ZC3HAV1L: variants seen among roughly 807,000 people sequenced by gnomAD.
The protein encoded by ZC3HAV1L is ZC3HAV1 like.
Under a neutral mutation model 28.2 loss-of-function variants are expected in ZC3HAV1L, and 23 were observed. The ratio of observed to expected loss-of-function variants is 0.82; its 90% CI spans 0.59 to 1.16. The LOEUF is 1.16. Among genes scored for constraint, ZC3HAV1L ranks in the 50% most tolerant of loss-of-function variants. The pLI is 0.00. For synonymous variants in ZC3HAV1L, 180 were observed against 163.4 expected (o/e 1.10, Z -0.78); for missense variants, 376 against 387.7 (o/e 0.97, Z 0.25).
intron 1 of ZC3HAV1L, chr7:139,035,073 G>A: frequency 1.0e-6 from 1 of 985,416 alleles, no homozygotes; most frequent in Non-Finnish European, 1.2e-6. Flanking sequence ...AGGAAAATTC[G>A]GGGCTGTGAA....
intron 2 of ZC3HAV1L, among the ~76,000 whole-genome samples, chr7:139,031,360 G>A (rs1035315544): frequency 8.5e-5 from 13 of 152,176 alleles, no homozygotes; most frequent in Non-Finnish European, 1.6e-4. Context: ...CAAGGCAGGC[G>A]GATTGCCTGA....
downstream of ZC3HAV1L, among the ~76,000 whole-genome samples, chr7:139,025,449 C>CA (rs11399688): frequency 0.55 from 74,892 of 136,104 alleles, 20,026 homozygotes; most frequent in African/African-American, 0.59. Flanking sequence ...ACTCTGTCTC[C>CA]AAAAAAAAAA....
chr7:139,030,467 G>A (rs138132058), intron 2 of ZC3HAV1L, among the ~76,000 whole-genome samples: 214 of 152,114 alleles, frequency 1.4e-3, no homozygotes, highest in African/African-American at 4.3e-3. Flanking sequence ...AAATAGAGGC[G>A]GAGGTTGCAG....
chr7:139,029,034 G>A (rs1179432148), intron 2 of ZC3HAV1L, 74 bp from the exon 3 acceptor site: 44 of 1,490,964 alleles, frequency 3.0e-5, no homozygotes, highest in Admixed American at 1.0e-4. Flanking sequence ...ATGGAGTCTC[G>A]CTCTGTCACC....
intron 2 of ZC3HAV1L, 115 bp downstream of exon 2, chr7:139,034,428 A>G: frequency 6.8e-7 from 1 of 1,463,764 alleles, no homozygotes; most frequent in East Asian, 2.3e-5. Flanking sequence ...AGCATTTGAA[A>G]CTGAATCATG....
Position 139,035,767 on chromosome 7 carries a change from G to C in ZC3HAV1L, c.251C>G (p.Ala84Gly). ...GGCGCAGAGGCGCACAGAGGACACGGCCACCACCCTCCAGGCGGAGGTGCC... is the reference window on the plus strand; with the variant it reads ...GGCGCAGAGGCGCACAGAGGACACGCCCACCACCCTCCAGGCGGAGGTGCC... ...GGGTSAWRVV[A>G]VSSVRLCARY... is the part of the protein sequence containing the mutation. Residue 84 changes from alanine (A) to glycine (G), a missense_variant, in exon 1 of 5, where the codon GCC (alanine) becomes GGC (glycine). Physicochemically the swap from Ala to Gly is moderately conservative, Grantham distance 60. Coordinates refer to ENST00000275766, the MANE Select transcript of ZC3HAV1L (RefSeq NM_080660.4). The C allele has an allele frequency of 6.7e-7, 1 of 1,497,466 alleles. No homozygotes were observed. The highest frequency in any genetic ancestry group is 8.8e-7 in the Non-Finnish European group (1 of 1,131,800). The allele number at this position is 1,497,466 out of a possible 1,614,324, so 92.8% of individuals were successfully genotyped here.
chr7:139,033,160 G>A (rs1815586399), intron 2 of ZC3HAV1L, among the ~76,000 whole-genome samples: 2 of 151,732 alleles, frequency 1.3e-5, no homozygotes, highest in African/African-American at 2.4e-5. Flanking sequence ...AGTGAGCCGA[G>A]GTACTTCCAG....
intron 3 of ZC3HAV1L, 76 bp downstream of exon 3, chr7:139,028,626 T>G: frequency 6.5e-7 from 1 of 1,534,068 alleles, no homozygotes; most frequent in Admixed American, 1.9e-5. Context: ...TTCATGTCAC[T>G]GTTCTTACTT....
rs1397018251 is a variant in ZC3HAV1L at position 139,030,832 on chromosome 7, AAT to A, written c.502-1874_502-1873del. Among the ~76,000 whole-genome samples the A allele has an allele frequency of 4.3e-4, 16 of 36,922 alleles. No individual in the cohort carries two copies. The South Asian group carries it at 0.012, about 28-fold the overall frequency. The allele number at this position is 36,922 out of a possible 152,430, so 24.2% of individuals were successfully genotyped here. A position where few individuals can be genotyped will look rare whatever the true frequency, so the allele number is the denominator to read the frequency against. On this transcript the variant is annotated intron_variant, in intron 2 of 4. Coordinates refer to ENST00000275766, the MANE Select transcript of ZC3HAV1L (RefSeq NM_080660.4). ...AGTCTCCATCTCAAAAAATAATAAT[AAT>A]TAATTAATTAATTAATTAATTAAAT...
chr7:139,035,255 C>T, intron 1 of ZC3HAV1L: 7 of 985,422 alleles, frequency 7.1e-6, no homozygotes, highest in African/African-American at 1.7e-5. Flanking sequence ...GGGGGAGCAG[C>T]GATTTCCGGC....
At chr7:139,035,080 T>G in intron 1 of ZC3HAV1L, 1 of 985,374 alleles carries the variant, frequency 1.0e-6, no homozygotes, top group Non-Finnish European at 1.2e-6. Flanking sequence ...TTCGGGGCTG[T>G]GAAGCACAGC....
chr7:139,034,446 G>C, intron 2 of ZC3HAV1L, 97 bp downstream of exon 2: 1 of 1,460,770 alleles, frequency 6.8e-7, no homozygotes, highest in Admixed American at 2.1e-5. Context: ...ATGTTGCTTC[G>C]AAGGCAATTA....
At chr7:139,029,003 T>C (rs776398844) in intron 2 of ZC3HAV1L, 43 bp from the exon 3 acceptor site, 10 of 1,569,940 alleles carry the variant, frequency 6.4e-6, no homozygotes, top group Admixed American at 1.8e-5. Context: ...TAGTTTTTCT[T>C]TTTTTTTTGG....
intron 2 of ZC3HAV1L, chr7:139,033,944 A>G: frequency 7.1e-6 from 7 of 985,378 alleles, no homozygotes; most frequent in Non-Finnish European, 8.4e-6. Flanking sequence ...ACCGTGACAT[A>G]CCAGACTTGG....
chr7:139,027,997 T>C (rs978757903), intron 3 of ZC3HAV1L, among the ~76,000 whole-genome samples: 8 of 152,144 alleles, frequency 5.3e-5, no homozygotes, highest in African/African-American at 1.9e-4. Flanking sequence ...ATTATATTTA[T>C]GACAAGAAAG....
intron 1 of ZC3HAV1L, chr7:139,035,095 G>A (rs566648418): frequency 1.2e-4 from 114 of 985,338 alleles, no homozygotes; most frequent in Non-Finnish European, 1.2e-4. Flanking sequence ...CACAGCCTGG[G>A]GTCAGGAGGC....
At chr7:139,031,605 C>CA (rs928018148) in intron 2 of ZC3HAV1L, among the ~76,000 whole-genome samples, 9 of 146,508 alleles carry the variant, frequency 6.1e-5, no homozygotes, top group African/African-American at 1.5e-4. Flanking sequence ...CAAACAAAAA[C>CA]AAAAAAAAGT....
chr7:139,026,731 T>C lies in ZC3HAV1L; in HGVS notation c.863A>G (p.Gln288Arg). ...EAGPLASVPA[Q>R]SAKKPCPVSC... ...ACCTGGGCAGGGCTTCTTGGCCGAC[T>C]GAGCAGGGACAGAAGCCAGAGGACC... Residue 288 changes from glutamine (Q) to arginine (R), a missense_variant, in exon 4 of 5, where the codon CAG becomes CGG. Transcript: ENST00000275766. 1 of 1,614,146 alleles carries C rather than the reference T, an allele frequency of 6.2e-7. No homozygotes were observed.
In ZC3HAV1L at chr7:139,035,955, C is replaced by T; in HGVS notation, c.63G>A (p.Met21Ile). 1 of 1,519,844 alleles carries T rather than the reference C, an allele frequency of 6.6e-7. No homozygotes were observed. The highest frequency in any genetic ancestry group is 1.2e-5 in the South Asian group (1 of 82,284). The allele number at this position is 1,519,844 out of a possible 1,614,324, so 94.1% of individuals were successfully genotyped here. The change falls in exon 1 of 5, where the codon ATG becomes ATA. Residue 21 changes from methionine (M) to isoleucine (I), a missense_variant. Transcript: ENST00000275766. Reference protein sequence around the residue: ...TKVLCAHGGRMFLKDLRGHVE... With the variant: ...TKVLCAHGGRIFLKDLRGHVE... Reference sequence around the variant, plus strand: ...CGTGGCCGCGCAGGTCCTTCAGGAACATGCGGCCGCCGTGGGCGCACAGCA... The same window carrying T: ...CGTGGCCGCGCAGGTCCTTCAGGAATATGCGGCCGCCGTGGGCGCACAGCA...
Sources: gnomAD v4.1 joint callset for allele counts (sites outside exome capture counted in the v4.1 genomes callset) on GRCh38, gnomAD v4.1.1 for gene constraint, MANE v1.5 for transcripts, NCBI Gene and HGNC (gene_info 2026-07-23, HGNC 2026-07-21) for gene names.